SULT1A2: variants seen among roughly 807,000 people sequenced by gnomAD.
SULT1A2 encodes the protein sulfotransferase family 1A member 2, also known as sulfotransferase 1A2.
SULT1A2 carries 33 observed loss-of-function variants against 36.0 expected under a neutral mutation model. The observed-to-expected ratio is 0.92, with a 90% CI of 0.69 to 1.22. SULT1A2 has a LOEUF of 1.22. SULT1A2 is among the 50% of genes most tolerant of loss of function. SULT1A2 has a pLI of 0.00. For missense variants in SULT1A2, 367 were observed against 383.2 expected (o/e 0.96, Z 0.35); for synonymous variants, 138 against 144.5 (o/e 0.96, Z 0.32).
Position 28,592,324 on chromosome 16 carries a change from G to T in SULT1A2, c.714C>A (p.Thr238=), listed in dbSNP as rs762935539. 6 of 1,613,946 alleles carry T rather than the reference G, an allele frequency of 3.7e-6. No homozygotes were observed. The highest frequency in any genetic ancestry group is 5.1e-6 in the Non-Finnish European group (6 of 1,179,852). ...SFKEMKKNPM[T]NYTTVRREFM... ...ACTCCCGGCGGACGGTGGTGTAGTT[G>T]GTCATAGGGTTCTTCTTCATCTCCT... Residue 238 remains threonine, a synonymous_variant, in exon 7 of 8, where the codon ACC becomes ACA. Transcript: ENST00000335715.
At chr16:28,592,577 T>C (rs2047007166) in intron 6 of SULT1A2, 134 bp from the exon 7 acceptor site, 2 of 1,508,380 alleles carry the variant, frequency 1.3e-6, no homozygotes, top group East Asian at 4.9e-5. Flanking sequence ...CCTCGACCCC[T>C]GGGACCCCAG....
chr16:28,593,885 C>G (rs867266924), intron 4 of SULT1A2, among the ~76,000 whole-genome samples: 19 of 152,292 alleles, frequency 1.2e-4, no homozygotes, highest in South Asian at 1.2e-3. Context: ...CCACCCTCTA[C>G]CTTTCTTAGG....
chr16:28,592,686 G>T (rs2047008652), intron 6 of SULT1A2, among the ~76,000 whole-genome samples: 1 of 152,176 alleles, frequency 6.6e-6, no homozygotes, highest in African/African-American at 2.4e-5. Context: ...TTCCGTGCCT[G>T]TGGCCCTGGG....
At chr16:28,593,974 TG>T (rs1300652335) in intron 4 of SULT1A2, among the ~76,000 whole-genome samples, 3 of 151,930 alleles carry the variant, frequency 2.0e-5, no homozygotes, top group African/African-American at 7.3e-5. Flanking sequence ...GAGACAAGTC[TG>T]GAGGAAGTGA....
rs1567295508 is a variant in SULT1A2 at position 28,593,144 on chromosome 16, C to A, written c.594+108G>T. The A allele has an allele frequency of 2.6e-6, 4 of 1,513,828 alleles. No homozygotes were observed. In the Admixed American group the frequency reaches 7.6e-5, roughly 29 times the overall value. 93.8% of individuals were successfully genotyped at this position (1,513,828 alleles called of 1,614,324 possible). ...AGGGAGTCAAGATGGGGAATCCGGGCCTGCTGGAGGGGCCGCCCAGGGAGG... is the reference window on the plus strand; with the variant it reads ...AGGGAGTCAAGATGGGGAATCCGGGACTGCTGGAGGGGCCGCCCAGGGAGG... On this transcript the variant is annotated intron_variant, in intron 6 of 7. Transcript: ENST00000335715.
At position 28,593,243 on chromosome 16, in the gene SULT1A2, C is replaced by CACGT. The variant is rs746706989; in HGVS notation, c.594+8_594+9insACGT. ...GTCACGTGGAGGGAAGCATCAAAGG[C>CACGT]GGTCTCACCTCCTTCATGTCTTCAT... On this transcript the variant is annotated intron_variant, in intron 6 of 7. Transcript: ENST00000335715. The CACGT allele has an allele frequency of 4.3e-6, 7 of 1,612,826 alleles. No homozygotes were observed. The highest frequency in any genetic ancestry group is 2.2e-5 in the East Asian group (1 of 44,878).
Position 28,593,435 on chromosome 16 carries a change from A to G in SULT1A2, c.499+7T>C, listed in dbSNP as rs1351239471. ...CTCCACACCTTCCTTCCTCCCATCA[A>G]GCCCACCTTCTCCAGCCATGAACTT... is the stretch of plus-strand genomic sequence containing the variant. On this transcript the variant is annotated splice_region_variant and intron_variant, in intron 5 of 7. Coordinates refer to ENST00000335715, the MANE Select transcript of SULT1A2 (RefSeq NM_001054.4). 4.3e-6 allele frequency: 7 copies of G among 1,614,128 alleles called. No homozygotes were observed. The highest frequency in any genetic ancestry group is 5.9e-6 in the Non-Finnish European group (7 of 1,180,002).
Position 28,592,768 on chromosome 16 carries a change from C to T in SULT1A2, c.595-325G>A, listed in dbSNP as rs139545309. Among the ~76,000 whole-genome samples, 344 of 152,216 alleles carry T rather than the reference C, an allele frequency of 2.3e-3. 1 individual carries two copies. Among genetic ancestry groups the T allele is most frequent in the African/African-American group, 7.3e-3 (302 of 41,532 alleles). On this transcript the variant is annotated intron_variant, in intron 6 of 7. Coordinates refer to ENST00000335715, the MANE Select transcript of SULT1A2 (RefSeq NM_001054.4). ...CTGTGGCAAGGGGCCGTGGTTCAGG[C>T]GTGTAATTCCCAAGACTTTGGGAGG...
intron 6 of SULT1A2, 53 bp from the exon 7 acceptor site, chr16:28,592,496 TAAAAGGGG>T: frequency 6.2e-7 from 1 of 1,602,172 alleles, no homozygotes; most frequent in Admixed American, 1.7e-5. Context: ...TTCAGGAAAA[TAAAAGGGG>T]TCCACTTCTC....
intron 4 of SULT1A2, among the ~76,000 whole-genome samples, chr16:28,594,521 C>T (rs955436348): frequency 2.0e-5 from 3 of 152,058 alleles, no homozygotes; most frequent in African/African-American, 7.2e-5. Context: ...GGCACAATCT[C>T]GGCTCACTGC....
At chr16:28,596,181 G>C in intron 1 of SULT1A2, 1 of 1,364,038 alleles carries the variant, frequency 7.3e-7, no homozygotes, top group Non-Finnish European at 9.6e-7. Context: ...CCTGGGCCAT[G>C]GTGCAGACCA....
chr16:28,596,457 G>A, intron 1 of SULT1A2: 1 of 765,164 alleles, frequency 1.3e-6, no homozygotes, highest in African/African-American at 1.9e-5. Context: ...CCCGGCCACA[G>A]TCCATCTGGG....
At position 28,595,639 on chromosome 16, in the gene SULT1A2, T is replaced by A. The variant is rs4987024; in HGVS notation, c.185A>T (p.Tyr62Phe). ...ACACTTTTCCAGGTCACCGCCCTGG[T>A]AGATCATGTCCAGAATCTGGCTCAC... Reference protein sequence around the residue: ...TWVSQILDMIYQGGDLEKCHR... With the variant: ...TWVSQILDMIFQGGDLEKCHR... Residue 62 changes from tyrosine to phenylalanine, a missense_variant, in exon 3 of 8, where the codon TAC (tyrosine) becomes TTC (phenylalanine). By Grantham distance (22) the Tyr-to-Phe change is conservative. Coordinates refer to ENST00000335715, the MANE Select transcript of SULT1A2 (RefSeq NM_001054.4). 0.011 allele frequency: 17,174 copies of A among 1,614,102 alleles called. 65 individuals are homozygous for A. Among genetic ancestry groups the A allele is most frequent in the Non-Finnish European group, 0.012 (14,153 of 1,179,998 alleles).
intron 6 of SULT1A2, among the ~76,000 whole-genome samples, chr16:28,593,008 C>A (rs1490017199): frequency 6.6e-6 from 1 of 151,620 alleles, no homozygotes; most frequent in Non-Finnish European, 1.5e-5. Context: ...AAGACTTTGT[C>A]TCAAAAAAAA....
chr16:28,595,233 C>T (rs1188404415), intron 4 of SULT1A2, 134 bp downstream of exon 4: 12 of 1,168,220 alleles, frequency 1.0e-5, no homozygotes, highest in Non-Finnish European at 1.4e-5. Context: ...GTATTACAGG[C>T]ACACACCACT....
At chr16:28,596,854 G>T in intron 1 of SULT1A2, 143 bp downstream of exon 1, 1 of 478,688 alleles carries the variant, frequency 2.1e-6, no homozygotes, top group Non-Finnish European at 3.2e-6. Context: ...GGAAGGGAGG[G>T]GGATTCAGGC....
At chr16:28,596,378 C>G in intron 1 of SULT1A2, 1 of 1,110,800 alleles carries the variant, frequency 9.0e-7, no homozygotes, top group Middle Eastern at 4.2e-4. Context: ...CCCCGATGTT[C>G]CCCTCCTTGA....
chr16:28,594,093 T>TG (rs922397139), intron 4 of SULT1A2, among the ~76,000 whole-genome samples: 6 of 85,676 alleles, frequency 7.0e-5, no homozygotes, highest in Non-Finnish European at 1.6e-4. Context: ...TTTGTTGTGG[T>TG]TTTTTTTTTT....
At position 28,592,365 on chromosome 16, in the gene SULT1A2, C is replaced by G. The variant is rs1042041; in HGVS notation, c.673G>C (p.Glu225Gln). Residue 225 changes from glutamate to glutamine, a missense_variant, in exon 7 of 8, where the codon GAG becomes CAG. Physicochemically the swap from Glu to Gln is conservative, Grantham distance 29. Transcript: ENST00000335715. ...LPEETVDLMV[E>Q]HTSFKEMKKN... The stretch of plus-strand genomic sequence containing the variant: ...TTCATCTCCTTGAACGACGTGTGCT[C>G]AACCATGAGGTCCACAGTCTCCTCT... The G allele has an allele frequency of 2.6e-4, 419 of 1,613,920 alleles. 3 individuals carry two copies. The African/African-American group carries it at 4.1e-3, about 16-fold the overall frequency.
Sources: allele counts gnomAD v4.1 joint callset (sites outside exome capture counted in the v4.1 genomes callset), GRCh38; gene constraint gnomAD v4.1.1; transcripts MANE v1.5; gene names NCBI Gene and HGNC (gene_info 2026-07-23, HGNC 2026-07-21).